RGS7: variants seen among roughly 807,000 people sequenced by gnomAD.
RGS7 encodes regulator of G-protein signaling 7.
In RGS7, 27 loss-of-function variants were observed where a neutral mutation model predicts 81.1. The observed-to-expected ratio is 0.33, with a 90% CI of 0.25 to 0.46. RGS7 has a LOEUF of 0.46. Among genes scored for constraint, RGS7 ranks in the 20% least tolerant of loss-of-function variants. RGS7 has a pLI of 1.00. For synonymous variants in RGS7, 208 were observed against 207.7 expected (o/e 1.00, Z -0.01); for missense variants, 396 against 607.4 (o/e 0.65, Z 3.66).
At chr1:240,806,056 AT>A (rs2103070693) in intron 15 of RGS7, 83 bp downstream of exon 15, 1 of 1,208,590 alleles carries the variant, frequency 8.3e-7, no homozygotes, top group South Asian at 1.2e-5. Flanking sequence ...AATAGCTGCC[AT>A]TTAGAATGAA....
rs555479418 is a variant in RGS7 at position 241,170,539 on chromosome 1, A to G, written c.79-71777T>C. 2.0e-4 allele frequency among the ~76,000 whole-genome samples: 30 copies of G among 152,294 alleles called. 1 individual carries two copies. In the South Asian group the frequency reaches 5.6e-3, roughly 28 times the overall value. ...CTCTTACGCATTTATTTTTATAAAC[A>G]TATATTATAAACTTACTATGTATCT... On this transcript the variant is annotated intron_variant, in intron 2 of 18. Transcript: ENST00000440928.
chr1:240,996,658 T>C (rs761929706), intron 3 of RGS7, among the ~76,000 whole-genome samples: 3 of 152,198 alleles, frequency 2.0e-5, no homozygotes, highest in Middle Eastern at 3.2e-3. Flanking sequence ...ACATCTTTTT[T>C]CTATTCTTTT....
chr1:241,258,622 A>G (rs1273035921), intron 2 of RGS7, among the ~76,000 whole-genome samples: 2 of 152,208 alleles, frequency 1.3e-5, no homozygotes, highest in Non-Finnish European at 2.9e-5. Context: ...TGCTTCTATT[A>G]GTAAAGACCA....
At position 241,164,294 on chromosome 1, in the gene RGS7, A is replaced by C. The variant is rs1206173480; in HGVS notation, c.79-65532T>G. Among the ~76,000 whole-genome samples, 2 of 147,256 alleles carry C rather than the reference A, an allele frequency of 1.4e-5. No individual in the cohort carries two copies. The highest frequency in any genetic ancestry group is 3.0e-5 in the Non-Finnish European group (2 of 67,292). On this transcript the variant is annotated intron_variant, in intron 2 of 18. Coordinates refer to ENST00000440928, the MANE Select transcript of RGS7 (RefSeq NM_001364886.1). This position sits in a 1 kb window ranked among gnomAD's most constrained non-coding sequence, Gnocchi z 4.1. ...CCTCTTTTTTTTTTTTTTAAGCTTC[A>C]TTATGTAAGCATGATTGACTAAACC...
intron 2 of RGS7, among the ~76,000 whole-genome samples, chr1:241,216,068 G>C (rs938111194): frequency 2.0e-5 from 3 of 151,666 alleles, no homozygotes; most frequent in Non-Finnish European, 4.4e-5. Context: ...TTAGGAGATC[G>C]AGACCATCCT....
intron 2 of RGS7, among the ~76,000 whole-genome samples, chr1:241,250,671 G>A (rs2076786237): frequency 6.6e-6 from 1 of 152,120 alleles, no homozygotes; most frequent in African/African-American, 2.4e-5. Flanking sequence ...ATTCTTTATT[G>A]CACTAGGCCT....
At chr1:241,275,453 C>T (rs1443907554) in intron 2 of RGS7, among the ~76,000 whole-genome samples, 3 of 152,158 alleles carry the variant, frequency 2.0e-5, no homozygotes, top group Admixed American at 1.3e-4. Context: ...TAGACTTGGT[C>T]GCCTTGGCTT....
At chr1:240,821,086 G>GA (rs1303543796) in intron 10 of RGS7, among the ~76,000 whole-genome samples, 2 of 152,126 alleles carry the variant, frequency 1.3e-5, no homozygotes, top group Non-Finnish European at 2.9e-5. Flanking sequence ...AATCATGAGA[G>GA]AGCTGGGTCG....
At chr1:241,108,652 C>T (rs1204178821) in intron 2 of RGS7, among the ~76,000 whole-genome samples, 1 of 152,034 alleles carries the variant, frequency 6.6e-6, no homozygotes, top group African/African-American at 2.4e-5. Context: ...TGTCAATGTC[C>T]CCTGAACTAT....
At chr1:240,962,496 A>G (rs1463715623) in intron 4 of RGS7, among the ~76,000 whole-genome samples, 2 of 152,168 alleles carry the variant, frequency 1.3e-5, no homozygotes, top group Non-Finnish European at 2.9e-5. Flanking sequence ...CATTTATTCA[A>G]TGTAGGAGAA....
At chr1:241,149,294 A>G (rs2068580332) in intron 2 of RGS7, among the ~76,000 whole-genome samples, 1 of 151,990 alleles carries the variant, frequency 6.6e-6, no homozygotes, top group Non-Finnish European at 1.5e-5. Context: ...AGTATCCCGA[A>G]TAGTTGAGAT....
chr1:241,155,215 C>A (rs1473566140), intron 2 of RGS7, among the ~76,000 whole-genome samples: 1 of 152,118 alleles, frequency 6.6e-6, no homozygotes, highest in Non-Finnish European at 1.5e-5. Flanking sequence ...ATTCTCCCAC[C>A]TCAGCTTCCC....
chr1:241,182,588 C>A (rs912906530), intron 2 of RGS7, among the ~76,000 whole-genome samples: 1 of 151,770 alleles, frequency 6.6e-6, no homozygotes, highest in East Asian at 1.9e-4. Flanking sequence ...TCATCCCGTT[C>A]CTGAGCCTTA....
chr1:241,309,386 CAAAAAAA>C (rs71571833), intron 2 of RGS7, among the ~76,000 whole-genome samples: 6 of 85,286 alleles, frequency 7.0e-5, no homozygotes, highest in African/African-American at 9.2e-5. Context: ...AACTCCAACT[CAAAAAAA>C]AAAAAAAAAA....
intron 2 of RGS7, among the ~76,000 whole-genome samples, chr1:241,196,954 G>A (rs2147823712): frequency 7.0e-6 from 1 of 143,720 alleles, no homozygotes; most frequent in Non-Finnish European, 1.5e-5. Context: ...GGGGAGAAAG[G>A]GAAAAATAAA....
In RGS7 at chr1:240,868,546, G is replaced by T. The variant is rs2015306; in HGVS notation, c.609+41C>A. ...AGGGCACCCCTCACTTCCCACAGAC[G>T]GAGAAGATGGATTCAAGACGAGAGT... On this transcript the variant is annotated intron_variant, in intron 9 of 18. Transcript: ENST00000440928. The surrounding 1 kb of genome is among the most constrained non-coding windows in gnomAD (Gnocchi z 5.1). The T allele has an allele frequency of 6.6e-5, 104 of 1,580,480 alleles. No homozygotes were observed. In the East Asian group the frequency reaches 2.0e-3, roughly 30 times the overall value.
chr1:241,252,967 TC>T (rs1214256374), intron 2 of RGS7, among the ~76,000 whole-genome samples: 4 of 152,290 alleles, frequency 2.6e-5, no homozygotes. Flanking sequence ...TGCTAGACTT[TC>T]CAGATATTTG....
intron 2 of RGS7, among the ~76,000 whole-genome samples, chr1:241,346,767 A>G (rs1400897778): frequency 6.6e-6 from 1 of 152,204 alleles, no homozygotes; most frequent in East Asian, 1.9e-4. Flanking sequence ...AGTCATATAC[A>G]TAATGGACCT....
intron 2 of RGS7, among the ~76,000 whole-genome samples, chr1:241,126,882 T>C (rs1306163352): frequency 2.0e-5 from 3 of 151,918 alleles, no homozygotes; most frequent in Non-Finnish European, 2.9e-5. Context: ...CCTAGGCATA[T>C]AATTAAACCT....
Sources: gnomAD v4.1 joint callset for allele counts (sites outside exome capture counted in the v4.1 genomes callset) on GRCh38, gnomAD v4.1.1 for gene constraint, Gnocchi (gnomAD v3.1) non-coding constraint, MANE v1.5 for transcripts, NCBI Gene and HGNC (gene_info 2026-07-23, HGNC 2026-07-21) for gene names.